Variants in PRKD1 observed in about 807,000 individuals in gnomAD.
PRKD1 encodes the protein protein kinase D1, also known as serine/threonine-protein kinase D1.
Under a neutral mutation model 95.9 loss-of-function variants are expected in PRKD1, and 63 were observed. That is an observed-to-expected ratio of 0.66 (90% CI 0.54 to 0.81). The LOEUF (loss-of-function observed/expected upper bound fraction) is 0.81, where lower values mean the gene tolerates loss of function less well. Ranked by LOEUF, PRKD1 falls within the 30% of genes least tolerant of loss-of-function variation. The pLI, the probability that PRKD1 is intolerant of heterozygous loss-of-function variation, is 0.00. For synonymous variants in PRKD1, 425 were observed against 423.1 expected, an observed-to-expected ratio of 1.00 and a Z score of -0.05; for missense variants, 1,048 against 1,165.3, an observed-to-expected ratio of 0.90 and a Z score of 1.47.
intron 1 of PRKD1, among the ~76,000 whole-genome samples, chr14:29,894,391 G>T (rs1380181184): frequency 6.6e-6 from 1 of 152,232 alleles, no homozygotes; most frequent in Non-Finnish European, 1.5e-5. Flanking sequence ...ACCATCCTCA[G>T]TTGGAAGCCA....
chr14:29,889,722 C>T (rs1893871818), intron 1 of PRKD1, among the ~76,000 whole-genome samples: 1 of 152,122 alleles, frequency 6.6e-6, no homozygotes, highest in African/African-American at 2.4e-5. Flanking sequence ...GGGAACACCA[C>T]ACATCAGAGC....
chr14:29,849,391 A>G (rs938420308), intron 1 of PRKD1, among the ~76,000 whole-genome samples: 1 of 152,244 alleles, frequency 6.6e-6, no homozygotes, highest in Non-Finnish European at 1.5e-5. Flanking sequence ...TACCCAGTCT[A>G]AAGTATTTCT....
At chr14:29,616,415 T>G (rs926010777) in intron 13 of PRKD1, among the ~76,000 whole-genome samples, 4 of 149,740 alleles carry the variant, frequency 2.7e-5, no homozygotes, top group African/African-American at 9.8e-5. Context: ...CCTAGATAAA[T>G]CAAGACCACA....
intron 1 of PRKD1, among the ~76,000 whole-genome samples, chr14:29,728,595 T>C (rs988633850): frequency 3.3e-5 from 5 of 152,208 alleles, no homozygotes; most frequent in African/African-American, 4.8e-5. Flanking sequence ...CATTCATACA[T>C]ACATTTGGGT....
intron 1 of PRKD1, among the ~76,000 whole-genome samples, chr14:29,885,033 G>A (rs1335243630): frequency 2.0e-5 from 3 of 151,518 alleles, no homozygotes; most frequent in Non-Finnish European, 4.4e-5. Context: ...TGAGGCAGGA[G>A]AGTGGCGTGA....
rs576576067 is a variant in PRKD1, at chr14:29,720,082, T to G, written c.403+5454A>C. Reference sequence around the variant, plus strand: ...CCTTTTGCGGTATGTTTAATAAGCATACGCATCACATTTAAAGGCTGCTTA... The same window carrying G: ...CCTTTTGCGGTATGTTTAATAAGCAGACGCATCACATTTAAAGGCTGCTTA... On this transcript the variant is annotated intron_variant, in intron 2 of 17. Coordinates refer to ENST00000331968, the MANE Select transcript of PRKD1 (RefSeq NM_002742.3). 5.2e-4 allele frequency among the ~76,000 whole-genome samples: 79 copies of G among 152,204 alleles called. 1 individual carries two copies. Among genetic ancestry groups the G allele is most frequent in the Admixed American group, 9.8e-4 (15 of 15,270 alleles).
chr14:29,775,988 A>G (rs969058698), intron 1 of PRKD1, among the ~76,000 whole-genome samples: 8 of 152,154 alleles, frequency 5.3e-5, no homozygotes, highest in Non-Finnish European at 7.3e-5. Flanking sequence ...GCTGTTCTGC[A>G]ATACTCGCTC....
chr14:29,737,949 A>T (rs1490422044), intron 1 of PRKD1, among the ~76,000 whole-genome samples: 1 of 152,210 alleles, frequency 6.6e-6, no homozygotes, highest in African/African-American at 2.4e-5. Flanking sequence ...AAGACAACAA[A>T]TACTTATTGA....
chr14:29,819,598 G>C (rs1467822975), intron 1 of PRKD1, among the ~76,000 whole-genome samples: 1 of 152,126 alleles, frequency 6.6e-6, no homozygotes, highest in Non-Finnish European at 1.5e-5. Flanking sequence ...GCTGAGGAAG[G>C]AGAATGGCAT....
At chr14:29,778,140 A>T (rs1483231623) in intron 1 of PRKD1, among the ~76,000 whole-genome samples, 1 of 151,750 alleles carries the variant, frequency 6.6e-6, no homozygotes, top group Admixed American at 6.6e-5. Context: ...GACACATTTA[A>T]AGCACTACAA....
intron 1 of PRKD1, among the ~76,000 whole-genome samples, chr14:29,736,215 A>G (rs1360451723): frequency 2.0e-5 from 3 of 152,156 alleles, no homozygotes; most frequent in African/African-American, 7.2e-5. Flanking sequence ...ATTTTTCTAG[A>G]TTGTTCCTTT....
chr14:29,797,151 C>T (rs1404094599), intron 1 of PRKD1, among the ~76,000 whole-genome samples: 1 of 152,136 alleles, frequency 6.6e-6, no homozygotes, highest in Admixed American at 6.5e-5. Flanking sequence ...ACCCTAACTA[C>T]ATATCAAAAG....
At chr14:29,874,331 C>G (rs1893212186) in intron 1 of PRKD1, among the ~76,000 whole-genome samples, 1 of 152,068 alleles carries the variant, frequency 6.6e-6, no homozygotes, top group African/African-American at 2.4e-5. Context: ...ATAACAGATT[C>G]TGGTGAGGAT....
intron 1 of PRKD1, among the ~76,000 whole-genome samples, chr14:29,775,333 C>G (rs563921619): frequency 6.6e-6 from 1 of 152,148 alleles, no homozygotes; most frequent in Non-Finnish European, 1.5e-5. Context: ...GAATGAGAGT[C>G]GAAGCAGGGC....
At position 29,885,804 on chromosome 14, in the gene PRKD1, T is replaced by TAAAAAAAAAAAAAAA. The variant is rs759317394; in HGVS notation, c.264+41430_264+41444dup. ...CAACATGGTGAAACCCCATCTTTAC[T>TAAAAAAAAAAAAAAA]AAAAAAAAAAAAAAAAAAAAAAAAA... On this transcript the variant is annotated intron_variant, in intron 1 of 17. Transcript: ENST00000331968. 4.1e-4 allele frequency among the ~76,000 whole-genome samples: 22 copies of TAAAAAAAAAAAAAAA among 53,484 alleles called. 1 individual carries two copies. Among genetic ancestry groups the TAAAAAAAAAAAAAAA allele is most frequent in the East Asian group, 3.0e-3 (4 of 1,346 alleles). 35.1% of individuals were successfully genotyped at this position (53,484 alleles called of 152,430 possible).
Position 29,624,121 on chromosome 14 carries a change from C to A in PRKD1, c.1905+31G>T, listed in dbSNP as rs191169754. 1,094 of 1,492,214 alleles carry A rather than the reference C, an allele frequency of 7.3e-4. 8 individuals carry two copies. Among genetic ancestry groups the A allele is most frequent in the East Asian group, 3.5e-4 (15 of 42,806 alleles). The allele number at this position is 1,492,214 out of a possible 1,614,324, so 92.4% of individuals were successfully genotyped here. ...AAGTAAAGGATGAGGGATTTTTATACCCTTTCCCCAAATGAGAACCAAAGA... is the reference window on the plus strand; with the variant it reads ...AAGTAAAGGATGAGGGATTTTTATAACCTTTCCCCAAATGAGAACCAAAGA... On this transcript the variant is annotated intron_variant, in intron 13 of 17. Coordinates refer to ENST00000331968, the MANE Select transcript of PRKD1 (RefSeq NM_002742.3).
intron 10 of PRKD1, among the ~76,000 whole-genome samples, chr14:29,630,004 C>T (rs1448138599): frequency 2.2e-4 from 28 of 129,082 alleles, no homozygotes; most frequent in African/African-American, 7.5e-4. Flanking sequence ...TTCTTCTTCT[C>T]CTTCTCCTTC....
At chr14:29,789,378 A>T in intron 1 of PRKD1, among the ~76,000 whole-genome samples, 1 of 151,988 alleles carries the variant, frequency 6.6e-6, no homozygotes, top group African/African-American at 2.4e-5. Context: ...TTCCAATTTT[A>T]TGGATGGCTT....
chr14:29,842,439 A>G (rs1891892095), intron 1 of PRKD1, among the ~76,000 whole-genome samples: 1 of 152,212 alleles, frequency 6.6e-6, no homozygotes, highest in Non-Finnish European at 1.5e-5. Flanking sequence ...TCATTAGATG[A>G]CGGGAATTAT....
Sources: gnomAD v4.1 joint callset for allele counts (sites outside exome capture counted in the v4.1 genomes callset) on GRCh38, gnomAD v4.1.1 for gene constraint, MANE v1.5 for transcripts, NCBI Gene and HGNC (gene_info 2026-07-23, HGNC 2026-07-21) for gene names.